GIMAP8: variants seen among roughly 807,000 people sequenced by gnomAD.
GIMAP8 encodes the protein GTPase IMAP family member 8.
Under a neutral mutation model 35.6 loss-of-function variants are expected in GIMAP8, and 29 were observed. The observed-to-expected ratio is 0.81, with a 90% CI of 0.61 to 1.11. GIMAP8 has a LOEUF of 1.11. GIMAP8 is among the 50% of genes most tolerant of loss of function. GIMAP8 has a pLI of 0.00. For missense variants in GIMAP8, 811 were observed against 805.0 expected, an observed-to-expected ratio of 1.01 and a Z score of -0.09; for synonymous variants, 335 against 308.7, an observed-to-expected ratio of 1.09 and a Z score of -0.89.
intron 2 of GIMAP8, among the ~76,000 whole-genome samples, chr7:150,469,785 CA>C (rs1443550822): frequency 6.6e-6 from 1 of 151,792 alleles, no homozygotes; most frequent in African/African-American, 2.4e-5. Flanking sequence ...ACAGTAAAAC[CA>C]GAAATAAACC....
chr7:150,476,541 T>C (rs1162799515), intron 4 of GIMAP8, among the ~76,000 whole-genome samples: 4 of 152,270 alleles, frequency 2.6e-5, no homozygotes, highest in Non-Finnish European at 1.5e-5. Flanking sequence ...AATTTTTACA[T>C]GTCCTAACTA....
Position 150,474,551 on chromosome 7 carries a change from G to GTCT in GIMAP8, c.1222_1223insTCT (p.Glu408delinsValTer). On this transcript the variant is annotated stop_gained and protein_altering_variant, in exon 4 of 5. Coordinates refer to ENST00000307271, the MANE Select transcript of GIMAP8 (RefSeq NM_175571.4). LOFTEE classifies it high-confidence loss of function. ...CAACTACCGGGCAACAGGAGAAGAA[G>GTCT]AGCAAAGGCAGGCGGACGAGCTCCT... The GTCT allele has an allele frequency of 1.2e-6, 2 of 1,612,908 alleles. No individual in the cohort carries two copies. The highest frequency in any genetic ancestry group is 1.7e-6 in the Non-Finnish European group (2 of 1,178,968).
intron 2 of GIMAP8, among the ~76,000 whole-genome samples, chr7:150,468,488 C>A (rs1390723033): frequency 6.6e-6 from 1 of 152,082 alleles, no homozygotes; most frequent in Non-Finnish European, 1.5e-5. Context: ...ACACACTGAG[C>A]CTGATGCGTA....
At chr7:150,471,621 G>C (rs897620830) in intron 3 of GIMAP8, among the ~76,000 whole-genome samples, 1 of 152,226 alleles carries the variant, frequency 6.6e-6, no homozygotes, top group African/African-American at 2.4e-5. Flanking sequence ...TGGATCACTT[G>C]ATGCCAGGAG....
intron 1 of GIMAP8, among the ~76,000 whole-genome samples, chr7:150,464,264 A>T (rs1261382452): frequency 1.3e-5 from 2 of 152,216 alleles, no homozygotes; most frequent in African/African-American, 4.8e-5. Context: ...TAGACGGCAG[A>T]TCATTTTCCA....
chr7:150,460,143 C>T (rs1194275675), intron 1 of GIMAP8, among the ~76,000 whole-genome samples: 2 of 152,180 alleles, frequency 1.3e-5, no homozygotes, highest in African/African-American at 2.4e-5. Flanking sequence ...CCTCTGCCAT[C>T]ATGGCCACTT....
Position 150,451,267 on chromosome 7 carries a change from G to A in GIMAP8, c.-29+92G>A, listed in dbSNP as rs1434094266. On this transcript the variant is annotated intron_variant, in intron 1 of 4. Coordinates refer to ENST00000307271, the MANE Select transcript of GIMAP8 (RefSeq NM_175571.4). The surrounding 1 kb of genome is among the most constrained non-coding windows in gnomAD (Gnocchi z 4.1). Reference sequence around the variant, plus strand: ...CCCATGGGACACGACCGCAGTGCATGTGTGACATGTGCACTCGTGTGTAGA... The same window carrying A: ...CCCATGGGACACGACCGCAGTGCATATGTGACATGTGCACTCGTGTGTAGA... 2 of 152,370 alleles carry A rather than the reference G, an allele frequency of 1.3e-5. No individual in the cohort carries two copies. Among genetic ancestry groups the A allele is most frequent in the East Asian group, 1.9e-4 (1 of 5,188 alleles). 9.4% of individuals were successfully genotyped at this position (152,370 alleles called of 1,614,324 possible). A position where few individuals can be genotyped will look rare whatever the true frequency, so the allele number is the denominator to read the frequency against.
intron 2 of GIMAP8, among the ~76,000 whole-genome samples, chr7:150,470,413 C>T (rs767991109): frequency 2.6e-4 from 39 of 152,066 alleles, no homozygotes; most frequent in Non-Finnish European, 4.7e-4. Context: ...ATCAGGATTC[C>T]CCAGGCAGGA....
chr7:150,455,063 G>A (rs180777028), intron 1 of GIMAP8, among the ~76,000 whole-genome samples: 17 of 151,298 alleles, frequency 1.1e-4, no homozygotes, highest in Middle Eastern at 6.8e-3. Flanking sequence ...GCTTGAACCC[G>A]GGAGATAGAG....
rs1479690340 is a variant in GIMAP8, at chr7:150,466,594, G to A, written c.-28-77G>A. 56 of 1,292,320 alleles carry A rather than the reference G, an allele frequency of 4.3e-5. No individual in the cohort carries two copies. In the Middle Eastern group the frequency reaches 8.3e-4, roughly 19 times the overall value. 80.1% of individuals were successfully genotyped at this position (1,292,320 alleles called of 1,614,324 possible). A position where few individuals can be genotyped will look rare whatever the true frequency, so the allele number is the denominator to read the frequency against. On this transcript the variant is annotated intron_variant, in intron 1 of 4. Coordinates refer to ENST00000307271, the MANE Select transcript of GIMAP8 (RefSeq NM_175571.4). ...TTGGCGGCAATTTGAGTCAAAAAGA[G>A]AATGTCTTTTCTTGCTGTTTTCCTG...
chr7:150,474,457 G>C lies in GIMAP8; in HGVS notation c.1128G>C (p.Thr376=). The C allele has an allele frequency of 1.2e-6, 2 of 1,613,728 alleles. No individual in the cohort carries two copies. The highest frequency in any genetic ancestry group is 1.7e-6 in the Non-Finnish European group (2 of 1,179,778). Residue 376 remains threonine, a synonymous_variant, in exon 4 of 5, where the codon ACG becomes ACC. Transcript: ENST00000307271. Reference sequence around the variant, plus strand: ...ATTTAGGGGATCAGGATCTAGATACGTTCTTAAGAAACAGCAATAAAGCTC... The same window carrying C: ...ATTTAGGGGATCAGGATCTAGATACCTTCTTAAGAAACAGCAATAAAGCTC... The part of the protein sequence containing the change: ...KEDLGDQDLD[T]FLRNSNKALY...
rs762381752 is a variant in GIMAP8 at position 150,477,264 on chromosome 7, TC to T, written c.1484del (p.Pro495LeufsTer16). 1.9e-6 allele frequency: 3 copies of T among 1,613,944 alleles called. No homozygotes were observed. Among genetic ancestry groups the T allele is most frequent in the Non-Finnish European group, 2.5e-6 (3 of 1,180,024 alleles). On this transcript the variant is annotated frameshift_variant, in exon 5 of 5. Coordinates refer to ENST00000307271, the MANE Select transcript of GIMAP8 (RefSeq NM_175571.4). LOFTEE classifies it low-confidence loss of function (END_TRUNC). ...GACAGGAGGTGGTGGTTGTGGACAC[TC>T]CTTCCTTCAACCAGATGCTGGATGT... is the stretch of plus-strand genomic sequence containing the variant. ...DGQEVVVVDTPSFNQMLDVEK... is the reference protein window; with the variant it reads ...DGQEVVVVDTXSFNQMLDVEK...
chr7:150,469,102 TG>T (rs1802034858), intron 2 of GIMAP8, among the ~76,000 whole-genome samples: 2 of 152,350 alleles, frequency 1.3e-5, no homozygotes, highest in South Asian at 4.1e-4. Flanking sequence ...ACTCTTAATT[TG>T]GCTTGACTCC....
rs1355527516 is a variant in GIMAP8, at chr7:150,479,157, T to C, written c.*1377T>C. The C allele has an allele frequency of 6.6e-6, 1 of 152,170 alleles. No individual in the cohort carries two copies. Among genetic ancestry groups the C allele is most frequent in the Non-Finnish European group, 1.5e-5 (1 of 68,046 alleles). 9.4% of individuals were successfully genotyped at this position (152,170 alleles called of 1,614,324 possible). ...GAAGGGAACAATAGACACCAGGGTA[T>C]ACTTGAGGGTGGAGGGTGGCAGGAG... On this transcript the variant is annotated 3_prime_UTR_variant, in exon 5 of 5. Transcript: ENST00000307271.
rs1209380707 is a variant in GIMAP8, at chr7:150,466,922, G to A, written c.224G>A (p.Cys75Tyr). The A allele has an allele frequency of 8.7e-6, 14 of 1,614,104 alleles. No individual in the cohort carries two copies. Among genetic ancestry groups the A allele is most frequent in the African/African-American group, 1.3e-5 (1 of 74,924 alleles). ...CCTGACCTTTTCTCCTCAATAGCTT[G>A]TGCTGAAGACAAGCAACGCAACATC... ...DTPDLFSSIACAEDKQRNIQH... is the reference protein window; with the variant it reads ...DTPDLFSSIAYAEDKQRNIQH... The change falls in exon 2 of 5, where the codon TGT becomes TAT. Residue 75 changes from cysteine to tyrosine, a missense_variant. Cys to Tyr is a radical substitution (Grantham distance 194). Transcript: ENST00000307271.
chr7:150,465,873 T>C (rs555281889), intron 1 of GIMAP8, among the ~76,000 whole-genome samples: 1 of 152,362 alleles, frequency 6.6e-6, no homozygotes, highest in South Asian at 2.1e-4. Context: ...TCATTTGTCA[T>C]CTCATTTGAG....
intron 1 of GIMAP8, among the ~76,000 whole-genome samples, chr7:150,458,231 G>C (rs1323441430): frequency 6.6e-6 from 1 of 152,246 alleles, no homozygotes; most frequent in East Asian, 1.9e-4. Context: ...AATCTGATAG[G>C]GGAGGCTAGC....
chr7:150,460,332 T>C (rs1465891920), intron 1 of GIMAP8, among the ~76,000 whole-genome samples: 2 of 152,232 alleles, frequency 1.3e-5, no homozygotes, highest in Non-Finnish European at 2.9e-5. Flanking sequence ...TTCATGTTTT[T>C]CACCCATTCT....
rs765100972 is a variant in GIMAP8 at position 150,470,746 on chromosome 7, C to CTTT, written c.637-63_637-61dup. The CTTT allele has an allele frequency of 2.6e-3, 1,194 of 467,804 alleles. 41 individuals carry two copies. In the African/African-American group the frequency reaches 0.032, roughly 13 times the overall value. 29.0% of individuals were successfully genotyped at this position (467,804 alleles called of 1,614,324 possible). On this transcript the variant is annotated intron_variant, in intron 2 of 4. Transcript: ENST00000307271. Reference sequence around the variant, plus strand: ...CATTCTGAATTAATACTTCAATTTCCTTTTTTTTTTTTTTTTTTTTTTCAG... The same window carrying CTTT: ...CATTCTGAATTAATACTTCAATTTCCTTTTTTTTTTTTTTTTTTTTTTTTTCAG...
Sources: gnomAD v4.1 joint callset for allele counts (sites outside exome capture counted in the v4.1 genomes callset) on GRCh38, gnomAD v4.1.1 for gene constraint, Gnocchi (gnomAD v3.1) non-coding constraint, MANE v1.5 for transcripts, NCBI Gene and HGNC (gene_info 2026-07-23, HGNC 2026-07-21) for gene names.